MRPL34: variants seen among roughly 807,000 people sequenced by gnomAD.
The protein encoded by MRPL34 is mitochondrial ribosomal protein L34.
In MRPL34, 8 loss-of-function variants were observed where a neutral mutation model predicts 6.7. The observed-to-expected ratio is 1.20, with a 90% CI of 0.70 to 2.16. MRPL34 has a LOEUF of 2.16. Ranked by LOEUF, MRPL34 falls within the 30% of genes most tolerant of loss-of-function variation. The probability of loss-of-function intolerance (pLI) is 0.00; values close to 1 mark genes in which losing one functional copy is unlikely to be tolerated. For missense variants in MRPL34, 146 were observed against 125.5 expected (o/e 1.16, Z -0.78); for synonymous variants, 59 against 55.1 (o/e 1.07, Z -0.31).
upstream of MRPL34, among the ~76,000 whole-genome samples, chr19:17,298,824 T>TCTGC (rs1175405740): frequency 7.6e-6 from 1 of 131,572 alleles, no homozygotes; most frequent in East Asian, 2.5e-4. Context: ...CACTGCAACC[T>TCTGC]CTGCCTCCCA....
At chr19:17,301,045 C>T (rs2074115011), upstream of MRPL34, 1 of 1,613,400 alleles carries the variant, frequency 6.2e-7, no homozygotes, top group African/African-American at 1.3e-5. Context: ...CTGCTCCTTC[C>T]AGATGGCCAG....
At chr19:17,304,248 G>T (rs902759644), upstream of MRPL34, among the ~76,000 whole-genome samples, 4 of 152,196 alleles carry the variant, frequency 2.6e-5, no homozygotes, top group African/African-American at 9.6e-5. Context: ...TACCGGCGGG[G>T]CCATGGTAGG....
chr19:17,301,279 G>C, upstream of MRPL34: 1 of 1,604,356 alleles, frequency 6.2e-7, no homozygotes, highest in Non-Finnish European at 8.5e-7. Context: ...GGCGGCCGGC[G>C]GCTCCCCAGA....
upstream of MRPL34, chr19:17,300,928 A>G: frequency 6.2e-7 from 1 of 1,612,310 alleles, no homozygotes. Flanking sequence ...GTCCTCAGCC[A>G]GCGCATAGAA....
upstream of MRPL34, chr19:17,301,301 C>T (rs773559603): frequency 5.0e-6 from 8 of 1,607,174 alleles, no homozygotes; most frequent in Non-Finnish European, 6.8e-6. Context: ...CCATTCTGCC[C>T]GTGTAGGAGG....
chr19:17,306,341 C>A lies in MRPL34; in HGVS notation c.241C>A (p.Arg81Ser), dbSNP rs1409547839. 1 of 1,608,880 alleles carries A rather than the reference C, an allele frequency of 6.2e-7. No individual in the cohort carries two copies. Among genetic ancestry groups the A allele is most frequent in the Non-Finnish European group, 8.5e-7 (1 of 1,178,796 alleles). The part of the protein sequence containing the change: ...STPAGVQVIL[R>S]RMLKGRKSLS... ...GCCGGCCGGCGTGCAGGTCATCCTT[C>A]GCCGAATGCTCAAGGGCCGCAAGTC... Residue 81 changes from arginine (R) to serine (S), a missense_variant, in exon 2 of 2, where the codon CGC becomes AGC. Coordinates refer to ENST00000252602, the MANE Select transcript of MRPL34 (RefSeq NM_023937.4).
At chr19:17,296,206 C>G (rs975407286) in intron 1 of MRPL34, 1 of 151,192 alleles carries the variant, frequency 6.6e-6, no homozygotes, top group African/African-American at 2.4e-5. Flanking sequence ...TTTCACCAGA[C>G]TTTTTATTTT....
upstream of MRPL34, among the ~76,000 whole-genome samples, chr19:17,300,670 G>T (rs1485474441): frequency 6.6e-6 from 1 of 152,154 alleles, no homozygotes; most frequent in Non-Finnish European, 1.5e-5. Context: ...TAGAGACGGG[G>T]TTTCACCACC....
upstream of MRPL34, among the ~76,000 whole-genome samples, chr19:17,300,303 T>C (rs2074111594): frequency 6.6e-6 from 1 of 151,246 alleles, no homozygotes; most frequent in Non-Finnish European, 1.5e-5. Flanking sequence ...CCTCCCAGAC[T>C]CAAGCAATCT....
At chr19:17,299,652 T>G (rs1568348005), upstream of MRPL34, among the ~76,000 whole-genome samples, 1 of 151,762 alleles carries the variant, frequency 6.6e-6, no homozygotes, top group Non-Finnish European at 1.5e-5. Context: ...CAAGGATCAC[T>G]TGAGCCCAGT....
At chr19:17,293,691 T>G (rs55746741) in intron 1 of MRPL34, among the ~76,000 whole-genome samples, 545 of 10,018 alleles carry the variant, frequency 0.054, no homozygotes, top group African/African-American at 0.079. Context: ...ATGGTTTTTG[T>G]TTTTTTTTTT....
intron 1 of MRPL34, chr19:17,294,901 C>T (rs2074086986): frequency 8.9e-6 from 14 of 1,578,786 alleles, no homozygotes; most frequent in South Asian, 2.2e-5. Flanking sequence ...CAGCAGGATA[C>T]AAGCAGTGAC....
intron 1 of MRPL34, chr19:17,294,247 T>C (rs751508698): frequency 3.2e-6 from 5 of 1,582,466 alleles, no homozygotes; most frequent in Non-Finnish European, 4.3e-6. Context: ...GGCAGCACCC[T>C]GGGGATTTGT....
Position 17,306,482 on chromosome 19 carries a change from G to C in MRPL34, c.*103G>C. 5 of 1,038,858 alleles carry C rather than the reference G, an allele frequency of 4.8e-6. No individual in the cohort carries two copies. The highest frequency in any genetic ancestry group is 1.6e-5 in the African/African-American group (1 of 61,846). 64.4% of individuals were successfully genotyped at this position (1,038,858 alleles called of 1,614,324 possible). A position where few individuals can be genotyped will look rare whatever the true frequency, so the allele number is the denominator to read the frequency against. The stretch of plus-strand genomic sequence containing the variant: ...GGAGCTGGGGAGCAGGAACGCCTCG[G>C]ACCTGAGTGCTCTCCATATTGTGGG... On this transcript the variant is annotated 3_prime_UTR_variant, in exon 2 of 2. Transcript: ENST00000252602.
chr19:17,293,690 GTT>G (rs56210466), intron 1 of MRPL34, among the ~76,000 whole-genome samples: 2,305 of 145,914 alleles, frequency 0.016, 62 homozygotes, highest in African/African-American at 0.053. Flanking sequence ...AATGGTTTTT[GTT>G]TTTTTTTTTT....
rs1304190715 is a variant in MRPL34, at chr19:17,297,171, T to G, written c.214+4317T>G. Among the ~76,000 whole-genome samples, 3 of 152,382 alleles carry G rather than the reference T, an allele frequency of 2.0e-5. No individual in the cohort carries two copies. In the East Asian group the frequency reaches 5.8e-4, roughly 29 times the overall value. On this transcript the variant is annotated intron_variant, in intron 1 of 2. Transcript: ENST00000595444. The stretch of plus-strand genomic sequence containing the variant: ...CTGATTGTGTCAGGGACTTCCTGTA[T>G]GCCTTTGGGCAGGTTGCTTCACCTC...
intron 1 of MRPL34, chr19:17,294,973 G>C (rs1003672600): frequency 8.6e-7 from 1 of 1,158,428 alleles, no homozygotes; most frequent in Non-Finnish European, 1.2e-6. Flanking sequence ...CCCCAGGCTG[G>C]AATGCAGTGG....
At chr19:17,305,034 C>G (rs2074139027), upstream of MRPL34, among the ~76,000 whole-genome samples, 1 of 129,678 alleles carries the variant, frequency 7.7e-6, no homozygotes. Context: ...CCTCACTCAG[C>G]CCTTGGAGAG....
chr19:17,305,845 T>C, upstream of MRPL34: 1 of 1,582,468 alleles, frequency 6.3e-7, no homozygotes. Flanking sequence ...GGAGCGGCTC[T>C]GGGCTCCGGA....
Sources: gnomAD v4.1 joint callset for allele counts (sites outside exome capture counted in the v4.1 genomes callset) on GRCh38, gnomAD v4.1.1 for gene constraint, MANE v1.5 for transcripts, NCBI Gene and HGNC (gene_info 2026-07-23, HGNC 2026-07-21) for gene names.